Variants in ERLIN2 observed in about 807,000 individuals in gnomAD.
ERLIN2 encodes erlin-2.
ERLIN2 carries 22 observed loss-of-function variants against 41.5 expected under a neutral mutation model. The ratio of observed to expected loss-of-function variants is 0.53; its 90% CI spans 0.38 to 0.76. The LOEUF (loss-of-function observed/expected upper bound fraction) is 0.76. Among genes scored for constraint, ERLIN2 ranks in the 30% least tolerant of loss-of-function variants. The pLI is 0.00. For synonymous variants in ERLIN2, 149 were observed against 150.9 expected, an observed-to-expected ratio of 0.99 and a Z score of 0.09; for missense variants, 247 against 414.3, an observed-to-expected ratio of 0.60 and a Z score of 3.51.
intron 6 of ERLIN2, chr8:37,747,808 T>A (rs117576528): frequency 1.9e-6 from 3 of 1,614,184 alleles, no homozygotes; most frequent in Non-Finnish European, 2.5e-6. Flanking sequence ...ACAAAACTTA[T>A]GGGCATGTTT....
chr8:37,740,252 C>G (rs1239761180), intron 2 of ERLIN2, 113 bp from the exon 3 acceptor site: 1 of 758,950 alleles, frequency 1.3e-6, no homozygotes, highest in African/African-American at 1.7e-5. Flanking sequence ...CAGCACATGT[C>G]ACTCTCTATT....
intron 6 of ERLIN2, chr8:37,746,069 G>T: frequency 1.0e-6 from 1 of 995,290 alleles, no homozygotes; most frequent in South Asian, 4.4e-5. Flanking sequence ...CTGCTTGTAT[G>T]GAGGAGCTGG....
intron 8 of ERLIN2, chr8:37,750,068 C>T (rs1423288997): frequency 1.5e-6 from 1 of 647,200 alleles, no homozygotes; most frequent in South Asian, 1.8e-5. Flanking sequence ...CCCTGTAGAG[C>T]AGCGATGTTT....
At chr8:37,738,660 A>T (rs1802742753) in intron 2 of ERLIN2, among the ~76,000 whole-genome samples, 1 of 152,226 alleles carries the variant, frequency 6.6e-6, no homozygotes, top group South Asian at 2.1e-4. Flanking sequence ...CTTAGATGGG[A>T]GGATCACCTG....
At chr8:37,742,870 C>A (rs1802901318) in intron 4 of ERLIN2, among the ~76,000 whole-genome samples, 1 of 152,232 alleles carries the variant, frequency 6.6e-6, no homozygotes, top group African/African-American at 2.4e-5. Context: ...AGTGAGGATG[C>A]ACAAAGGTTT....
Position 37,757,897 on chromosome 8 carries a change from A to G in ERLIN2, c.*3782A>G, listed in dbSNP as rs1474041943. ...CCACTGCAATTCTGCTCCAAAGGAC[A>G]AAGATATTTTCAAGTGAACCAAAAT... On this transcript the variant is annotated 3_prime_UTR_variant, in exon 12 of 12. Transcript: ENST00000519638. 2 of 152,214 alleles carry G rather than the reference A, an allele frequency of 1.3e-5. No individual in the cohort carries two copies. The highest frequency in any genetic ancestry group is 4.8e-5 in the African/African-American group (2 of 41,438). 9.4% of individuals were successfully genotyped at this position (152,214 alleles called of 1,614,324 possible).
chr8:37,741,852 A>G lies in ERLIN2; in HGVS notation c.236+34A>G. ...CCCAGAATAAAGCTTTTAAGCCCAA[A>G]TAAGTCAGAGAAAAGGCTGTCTGGC... On this transcript the variant is annotated intron_variant, in intron 4 of 11. Coordinates refer to ENST00000519638, the MANE Select transcript of ERLIN2 (RefSeq NM_007175.8). The surrounding 1 kb of genome is among the most constrained non-coding windows in gnomAD (Gnocchi z 4.8). 3 of 1,563,238 alleles carry G rather than the reference A, an allele frequency of 1.9e-6. No individual in the cohort carries two copies. Among genetic ancestry groups the G allele is most frequent in the Non-Finnish European group, 2.6e-6 (3 of 1,133,456 alleles).
In ERLIN2 at chr8:37,755,212, A is replaced by C. The variant is rs146694571; in HGVS notation, c.*1097A>C. ...GGCAGCAACGCAAGTCAGGCTGAAC[A>C]TTCAGTCTCCAGAGACAGCTGTGTG... On this transcript the variant is annotated 3_prime_UTR_variant, in exon 12 of 12. Transcript: ENST00000519638. 20 of 152,398 alleles carry C rather than the reference A, an allele frequency of 1.3e-4. No individual in the cohort carries two copies. Among genetic ancestry groups the C allele is most frequent in the African/African-American group, 4.3e-4 (18 of 41,596 alleles). The allele number at this position is 152,398 out of a possible 1,614,324, so 9.4% of individuals were successfully genotyped here.
intron 6 of ERLIN2, chr8:37,747,256 C>T: frequency 1.3e-6 from 1 of 774,172 alleles, no homozygotes. Flanking sequence ...AAATAGGAAC[C>T]AGTCTATGTA....
At position 37,744,641 on chromosome 8, in the gene ERLIN2, A is replaced by G; in HGVS notation, c.369A>G (p.Glu123=). ...KALIFNKIHH[E]LNQFCSVHTL... ...TCATCTTCAACAAGATCCACCACGA[A>G]CTGAACCAGTTCTGCAGTGTGCACA... Residue 123 remains glutamate (E), a synonymous_variant, in exon 6 of 12, where the codon GAA becomes GAG. Transcript: ENST00000519638. 6.2e-7 allele frequency: 1 copy of G among 1,614,136 alleles called. No individual in the cohort carries two copies. Among genetic ancestry groups the G allele is most frequent in the Non-Finnish European group, 8.5e-7 (1 of 1,180,002 alleles).
chr8:37,739,563 C>T (rs1802779384), intron 2 of ERLIN2, among the ~76,000 whole-genome samples: 1 of 151,948 alleles, frequency 6.6e-6, no homozygotes, highest in Admixed American at 6.5e-5. Context: ...GCAACCTCCG[C>T]CTCCCAGGTT....
chr8:37,754,027 G>A lies in ERLIN2; in HGVS notation c.932G>A (p.Ser311Asn), dbSNP rs751910436. 1 of 1,614,082 alleles carries A rather than the reference G, an allele frequency of 6.2e-7. No homozygotes were observed. Among genetic ancestry groups the A allele is most frequent in the South Asian group, 1.1e-5 (1 of 91,082 alleles). The change falls in exon 12 of 12, where the codon AGT becomes AAT. Residue 311 changes from serine to asparagine, a missense_variant. Ser to Asn is a conservative substitution (Grantham distance 46, BLOSUM62 1). Coordinates refer to ENST00000519638, the MANE Select transcript of ERLIN2 (RefSeq NM_007175.8). ...IPNMFMDSAG[S>N]VSKQFEGLAD... ...AACATGTTCATGGACTCTGCGGGCA[G>A]TGTGAGCAAGCAGTTTGAGGGGCTA...
intron 10 of ERLIN2, among the ~76,000 whole-genome samples, chr8:37,752,215 A>C (rs889326078): frequency 1.3e-5 from 2 of 152,168 alleles, no homozygotes; most frequent in African/African-American, 2.4e-5. Flanking sequence ...GCTGGAGAGA[A>C]AGGTTTTCTT....
In ERLIN2 at chr8:37,755,496, T is replaced by C. The variant is rs1366548398; in HGVS notation, c.*1381T>C. ...TATCTGGAGTTAACTTGCAAGCATA[T>C]TGGTGCCCTCCATGACCACCTCTGG... On this transcript the variant is annotated 3_prime_UTR_variant, in exon 12 of 12. Coordinates refer to ENST00000519638, the MANE Select transcript of ERLIN2 (RefSeq NM_007175.8). 6.6e-6 allele frequency: 1 copy of C among 151,752 alleles called. No homozygotes were observed. The highest frequency in any genetic ancestry group is 1.9e-4 in the East Asian group (1 of 5,166). 9.4% of individuals were successfully genotyped at this position (151,752 alleles called of 1,614,324 possible).
Position 37,755,549 on chromosome 8 carries a change from A to T in ERLIN2, c.*1434A>T, listed in dbSNP as rs1487639599. 1 of 35,468 alleles carries T rather than the reference A, an allele frequency of 2.8e-5. No homozygotes were observed. 2.2% of individuals were successfully genotyped at this position (35,468 alleles called of 1,614,324 possible). ...TAGGACTTGGCCCTGTTATGAGCTGACCCCCACCCCCCACCCCCCACCCCC... is the reference window on the plus strand; with the variant it reads ...TAGGACTTGGCCCTGTTATGAGCTGTCCCCCACCCCCCACCCCCCACCCCC... On this transcript the variant is annotated 3_prime_UTR_variant, in exon 12 of 12. Coordinates refer to ENST00000519638, the MANE Select transcript of ERLIN2 (RefSeq NM_007175.8).
In ERLIN2 at chr8:37,749,805, A is replaced by T. The variant is rs1803174264; in HGVS notation, c.510A>T (p.Val170=). 1 of 1,614,038 alleles carries T rather than the reference A, an allele frequency of 6.2e-7. No homozygotes were observed. The highest frequency in any genetic ancestry group is 8.5e-7 in the Non-Finnish European group (1 of 1,179,990). ...TAATCTCTCTCCAGGCTGTGCGGGTAACAAAGCCCAACATACCAGAGGCAA... is the reference window on the plus strand; with the variant it reads ...TAATCTCTCTCCAGGCTGTGCGGGTTACAAAGCCCAACATACCAGAGGCAA... ...APGLVIQAVR[V]TKPNIPEAIR... is the part of the protein sequence containing the mutation. Residue 170 remains valine, a synonymous_variant, in exon 8 of 12, where the codon GTA becomes GTT. Transcript: ENST00000519638.
At chr8:37,745,671 A>C in intron 6 of ERLIN2, 1 of 1,612,532 alleles carries the variant, frequency 6.2e-7, no homozygotes, top group Non-Finnish European at 8.5e-7. Flanking sequence ...CAGCAATCAT[A>C]ATTAAGCAAA....
intron 9 of ERLIN2, 21 bp downstream of exon 9, chr8:37,750,507 T>C (rs1337408470): frequency 6.3e-7 from 1 of 1,596,266 alleles, no homozygotes; most frequent in Non-Finnish European, 8.6e-7. Flanking sequence ...GGTTCTGTGA[T>C]CCCCCTTTCC....
At chr8:37,753,688 G>C (rs561353857) in intron 11 of ERLIN2, among the ~76,000 whole-genome samples, 159 bp downstream of exon 11, 1 of 152,160 alleles carries the variant, frequency 6.6e-6, no homozygotes, top group African/African-American at 2.4e-5. Flanking sequence ...CTTCTCCTTG[G>C]ACATGCCTTG....
Sources: gnomAD v4.1 joint callset for allele counts (sites outside exome capture counted in the v4.1 genomes callset) on GRCh38, gnomAD v4.1.1 for gene constraint, Gnocchi (gnomAD v3.1) non-coding constraint, MANE v1.5 for transcripts, NCBI Gene and HGNC (gene_info 2026-07-23, HGNC 2026-07-21) for gene names.